The following ACVR2B variants were observed in gnomAD, a reference collection of about 807,000 sequenced individuals.
ACVR2B encodes the protein activin A receptor type 2B.
In ACVR2B, 18 loss-of-function variants were observed where a neutral mutation model predicts 65.1. The ratio of observed to expected loss-of-function variants is 0.28; its 90% CI spans 0.19 to 0.41. The LOEUF is 0.41. Ranked by LOEUF, ACVR2B falls within the 10% of genes least tolerant of loss-of-function variation. The probability of loss-of-function intolerance (pLI) is 1.00; values close to 1 mark genes in which losing one functional copy is unlikely to be tolerated. For synonymous variants in ACVR2B, 298 were observed against 277.7 expected (o/e 1.07, Z -0.73); for missense variants, 482 against 682.7 (o/e 0.71, Z 3.28).
Position 38,481,446 on chromosome 3 carries a change from C to T in ACVR2B, c.1055C>T (p.Pro352Leu). ...GTTCGATTTGAGCCAGGGAAACCTC[C>T]AGGGGACACCCACGGACAGGTAACA... ...LAVRFEPGKPPGDTHGQVGTR... is the reference protein window; with the variant it reads ...LAVRFEPGKPLGDTHGQVGTR... The change falls in exon 8 of 11, where the codon CCA becomes CTA. Residue 352 changes from proline to leucine, a missense_variant. By Grantham distance (98) the Pro-to-Leu change is moderately conservative. Around this residue, in one of 5 missense-constraint regions of ACVR2B, gnomAD observed 223 missense variants for 386.3 expected, o/e 0.58. Coordinates refer to ENST00000352511, the MANE Select transcript of ACVR2B (RefSeq NM_001106.4). This position sits in a 1 kb window ranked among gnomAD's most constrained non-coding sequence, Gnocchi z 4.7. The T allele has an allele frequency of 6.2e-7, 1 of 1,614,200 alleles. No homozygotes were observed. The highest frequency in any genetic ancestry group is 8.5e-7 in the Non-Finnish European group (1 of 1,180,020).
At chr3:38,474,541 G>C (rs532274609) in intron 1 of ACVR2B, 4 of 152,264 alleles carry the variant, frequency 2.6e-5, no homozygotes, top group Non-Finnish European at 5.9e-5. Flanking sequence ...CACTTAGGAC[G>C]GCAAGGGTCC....
chr3:38,468,010 C>A (rs1709760803), intron 1 of ACVR2B, among the ~76,000 whole-genome samples: 1 of 152,042 alleles, frequency 6.6e-6, no homozygotes, highest in Non-Finnish European at 1.5e-5. Flanking sequence ...TTTGAAGTAG[C>A]TAGGACCACA....
At chr3:38,464,975 G>T (rs1051121257) in intron 1 of ACVR2B, among the ~76,000 whole-genome samples, 1 of 152,206 alleles carries the variant, frequency 6.6e-6, no homozygotes, top group South Asian at 2.1e-4. Flanking sequence ...CCTAGGCCTC[G>T]AATTATCTCT....
intron 1 of ACVR2B, among the ~76,000 whole-genome samples, chr3:38,471,567 CATAA>C (rs1417910068): frequency 2.0e-5 from 3 of 152,152 alleles, no homozygotes; most frequent in Non-Finnish European, 4.4e-5. Flanking sequence ...GATCAACAAA[CATAA>C]ATAACCTGAG....
At position 38,486,875 on chromosome 3, in the gene ACVR2B, A is replaced by G. The variant is rs1710131322; in HGVS notation, c.*3543A>G. ...AGCAAGTGAGGACAGAGGCCATTGTATTACAGTGTCACGCAGAGGGCCCTC... is the reference window on the plus strand; with the variant it reads ...AGCAAGTGAGGACAGAGGCCATTGTGTTACAGTGTCACGCAGAGGGCCCTC... On this transcript the variant is annotated 3_prime_UTR_variant, in exon 11 of 11. Transcript: ENST00000352511. 1.3e-5 allele frequency: 2 copies of G among 152,364 alleles called. No homozygotes were observed. The highest frequency in any genetic ancestry group is 1.3e-4 in the Admixed American group (2 of 15,286). The allele number at this position is 152,364 out of a possible 1,614,324, so 9.4% of individuals were successfully genotyped here.
Position 38,490,126 on chromosome 3 carries a change from CTATT to C in ACVR2B, c.*6800_*6803del, listed in dbSNP as rs930490679. On this transcript the variant is annotated 3_prime_UTR_variant, in exon 11 of 11. Transcript: ENST00000352511. ...TACGGAAAGTGGTCTTCATTTTAGC[CTATT>C]TATTTTTAGGCAGAGAGTGGATGGT... The C allele has an allele frequency of 1.3e-5, 2 of 152,250 alleles. No individual in the cohort carries two copies. The highest frequency in any genetic ancestry group is 4.8e-5 in the African/African-American group (2 of 41,426). The allele number at this position is 152,250 out of a possible 1,614,324, so 9.4% of individuals were successfully genotyped here. A position where few individuals can be genotyped will look rare whatever the true frequency, so the allele number is the denominator to read the frequency against.
Position 38,454,207 on chromosome 3 carries a change from G to A in ACVR2B, c.-116G>A, listed in dbSNP as rs1709500740. On this transcript the variant is annotated 5_prime_UTR_variant, in exon 1 of 11. Coordinates refer to ENST00000352511, the MANE Select transcript of ACVR2B (RefSeq NM_001106.4). ...GGCGCAGGAAGCGCGCAGGGAACGA[G>A]ACCGAAGGAAGGAGCGGGAAGGAGA... 1 of 772,798 alleles carries A rather than the reference G, an allele frequency of 1.3e-6. No individual in the cohort carries two copies. The highest frequency in any genetic ancestry group is 1.7e-6 in the Non-Finnish European group (1 of 597,226). The allele number at this position is 772,798 out of a possible 1,614,324, so 47.9% of individuals were successfully genotyped here. A position where few individuals can be genotyped will look rare whatever the true frequency, so the allele number is the denominator to read the frequency against.
At position 38,478,034 on chromosome 3, in the gene ACVR2B, G is replaced by T. The variant is rs1575587554; in HGVS notation, c.370+64G>T. 1.1e-5 allele frequency: 17 copies of T among 1,594,698 alleles called. No individual in the cohort carries two copies. In the East Asian group the frequency reaches 3.6e-4, roughly 34 times the overall value. ...GACCTGGGCTTCTTTGGCTTGGAGC[G>T]CTTGGCTCCTCAGTTGGGTGGGGTG... On this transcript the variant is annotated intron_variant, in intron 3 of 10. Transcript: ENST00000352511.
chr3:38,455,328 G>A (rs1709529658), intron 1 of ACVR2B, among the ~76,000 whole-genome samples: 1 of 152,188 alleles, frequency 6.6e-6, no homozygotes, highest in Admixed American at 6.5e-5. Context: ...GGGCATTGAA[G>A]CTCTGGCGAG....
rs769910670 is a variant in ACVR2B, at chr3:38,482,502, AGGT to A, written c.1294_1296del (p.Val432del). On this transcript the variant is annotated inframe_deletion, in exon 10 of 11. Transcript: ENST00000352511. ...CACCCTTCGTTGGAGGAGCTGCAGG[AGGT>A]GGTGGTGCACAAGAAGATGAGGCCC... is the stretch of plus-strand genomic sequence containing the variant. 1 of 1,612,480 alleles carries A rather than the reference AGGT, an allele frequency of 6.2e-7. No individual in the cohort carries two copies. The highest frequency in any genetic ancestry group is 8.5e-7 in the Non-Finnish European group (1 of 1,179,858).
At chr3:38,462,921 T>C (rs971911748) in intron 1 of ACVR2B, among the ~76,000 whole-genome samples, 1 of 152,212 alleles carries the variant, frequency 6.6e-6, no homozygotes, top group Non-Finnish European at 1.5e-5. Context: ...CTGGGTGATA[T>C]GGCAGTTGGC....
intron 1 of ACVR2B, among the ~76,000 whole-genome samples, chr3:38,459,195 G>A (rs2125712471): frequency 6.6e-6 from 1 of 152,314 alleles, no homozygotes; most frequent in South Asian, 2.1e-4. Context: ...TCTCCTCAAA[G>A]CCTAGGAGAT....
At chr3:38,461,240 A>G (rs1370288457) in intron 1 of ACVR2B, among the ~76,000 whole-genome samples, 1 of 152,166 alleles carries the variant, frequency 6.6e-6, no homozygotes, top group Non-Finnish European at 1.5e-5. Flanking sequence ...TTGATTTAGA[A>G]AGCATGCATG....
intron 1 of ACVR2B, chr3:38,459,500 T>C: frequency 9.0e-6 from 7 of 776,070 alleles, no homozygotes; most frequent in Non-Finnish European, 1.1e-5. Flanking sequence ...CCCTCTCTGC[T>C]CACCTGGGGG....
rs145005293 is a variant in ACVR2B, at chr3:38,482,434, C to A, written c.1218C>A (p.Pro406=). The change falls in exon 10 of 11, where the codon CCC becomes CCA. Residue 406 remains proline, a synonymous_variant. Transcript: ENST00000352511. Reference sequence around the variant, plus strand: ...CAGGCTCTCTCTTTCTCCTAGGACCCGTGGATGAGTACATGCTGCCCTTTG... The same window carrying A: ...CAGGCTCTCTCTTTCTCCTAGGACCAGTGGATGAGTACATGCTGCCCTTTG... ...LVSRCKAADG[P]VDEYMLPFEE... is the part of the protein sequence containing the mutation. 32 of 1,612,174 alleles carry A rather than the reference C, an allele frequency of 2.0e-5. No individual in the cohort carries two copies. In the Admixed American group the frequency reaches 2.0e-4, roughly 10 times the overall value.
At position 38,454,193 on chromosome 3, in the gene ACVR2B, C is replaced by T. The variant is rs951643649; in HGVS notation, c.-130C>T. The T allele has an allele frequency of 2.1e-5, 13 of 632,526 alleles. No individual in the cohort carries two copies. In the African/African-American group the frequency reaches 2.2e-4, roughly 11 times the overall value. The allele number at this position is 632,526 out of a possible 1,614,324, so 39.2% of individuals were successfully genotyped here. ...TGCTCGGGGACGAAGGCGCAGGAAGCGCGCAGGGAACGAGACCGAAGGAAG... is the reference window on the plus strand; with the variant it reads ...TGCTCGGGGACGAAGGCGCAGGAAGTGCGCAGGGAACGAGACCGAAGGAAG... On this transcript the variant is annotated 5_prime_UTR_variant, in exon 1 of 11. Transcript: ENST00000352511.
chr3:38,476,833 C>A, intron 1 of ACVR2B: 1 of 245,340 alleles, frequency 4.1e-6, no homozygotes, highest in Non-Finnish European at 8.0e-6. Flanking sequence ...GCTCCCCTTT[C>A]CCACACCTGC....
At chr3:38,469,399 G>A (rs1709783651) in intron 1 of ACVR2B, among the ~76,000 whole-genome samples, 1 of 152,110 alleles carries the variant, frequency 6.6e-6, no homozygotes, top group South Asian at 2.1e-4. Flanking sequence ...TGAGACTGAG[G>A]CCTTTGCATG....
rs1336489731 is a variant in ACVR2B at position 38,482,254 on chromosome 3, G to A, written c.1131G>A (p.Gln377=). ...PEVLEGAINF[Q]RDAFLRIDMY... ...TGCTCGAGGGAGCCATCAACTTCCA[G>A]AGAGATGCCTTCCTGCGCATTGACA... Residue 377 remains glutamine, a synonymous_variant, in exon 9 of 11, where the codon CAG becomes CAA. Transcript: ENST00000352511. 1 of 1,613,484 alleles carries A rather than the reference G, an allele frequency of 6.2e-7. No homozygotes were observed. Among genetic ancestry groups the A allele is most frequent in the Admixed American group, 1.7e-5 (1 of 59,934 alleles).
Sources: gnomAD v4.1 joint callset for allele counts (sites outside exome capture counted in the v4.1 genomes callset) on GRCh38, gnomAD v4.1.1 for gene constraint, gnomAD v4.1.1 regional missense constraint, Gnocchi (gnomAD v3.1) non-coding constraint, MANE v1.5 for transcripts, NCBI Gene and HGNC (gene_info 2026-07-23, HGNC 2026-07-21) for gene names.